Variants in SLC25A42 observed in about 807,000 individuals in gnomAD.
SLC25A42 encodes the protein solute carrier family 25 member 42.
In SLC25A42, 19 loss-of-function variants were observed where a neutral mutation model predicts 34.7. That is an observed-to-expected ratio of 0.55 (90% confidence interval 0.38 to 0.80). SLC25A42 has a LOEUF of 0.80. Ranked by LOEUF, SLC25A42 falls within the 30% of genes least tolerant of loss-of-function variation. SLC25A42 has a pLI of 0.00. For missense variants in SLC25A42, 364 were observed against 441.3 expected (o/e 0.82, Z 1.57); for synonymous variants, 205 against 191.2 (o/e 1.07, Z -0.59).
chr19:19,105,331 T>TG, intron 4 of SLC25A42: 5 of 583,754 alleles, frequency 8.6e-6, no homozygotes, highest in Non-Finnish European at 1.5e-5. Flanking sequence ...GAGAACTTGG[T>TG]GGGGTGGGAG....
chr19:19,112,989 G>C lies in SLC25A42; in HGVS notation c.*2113G>C, dbSNP rs2059874288. 6.7e-6 allele frequency: 1 copy of C among 150,354 alleles called. No homozygotes were observed. The highest frequency in any genetic ancestry group is 1.5e-5 in the Non-Finnish European group (1 of 67,790). The allele number at this position is 150,354 out of a possible 1,614,324, so 9.3% of individuals were successfully genotyped here. On this transcript the variant is annotated 3_prime_UTR_variant, in exon 8 of 8. Coordinates refer to ENST00000318596, the MANE Select transcript of SLC25A42 (RefSeq NM_178526.5). This position sits in a 1 kb window ranked among gnomAD's most constrained non-coding sequence, Gnocchi z 4.3. ...TGCTTTTGACACATTTGTGATAAAA[G>C]TTCTGAATAAAAGTCTTGAATAAAG...
chr19:19,092,107 C>A (rs1265450213), intron 1 of SLC25A42, among the ~76,000 whole-genome samples: 1 of 152,168 alleles, frequency 6.6e-6, no homozygotes, highest in East Asian at 1.9e-4. Flanking sequence ...GTGCTCCAGG[C>A]CTCATCCTCA....
chr19:19,079,237 G>A (rs1415435943), intron 1 of SLC25A42, among the ~76,000 whole-genome samples: 2 of 151,872 alleles, frequency 1.3e-5, no homozygotes, highest in African/African-American at 4.8e-5. Context: ...TGTATTTTTA[G>A]TAGAGACAGG....
chr19:19,073,937 G>T lies in SLC25A42; in HGVS notation c.-35+9822G>T, dbSNP rs1366355857. 1.3e-5 allele frequency among the ~76,000 whole-genome samples: 2 copies of T among 152,086 alleles called. 1 individual carries two copies. The highest frequency in any genetic ancestry group is 6.3e-3 in the Middle Eastern group (2 of 316). Reference sequence around the variant, plus strand: ...TGCCCAGGCTGGTCTTGAACTCGTGGCCTCAAGTGATCTGCCCACCTTGGC... The same window carrying T: ...TGCCCAGGCTGGTCTTGAACTCGTGTCCTCAAGTGATCTGCCCACCTTGGC... On this transcript the variant is annotated intron_variant, in intron 1 of 7. Transcript: ENST00000318596.
At chr19:19,077,345 C>T (rs2059660349) in intron 1 of SLC25A42, among the ~76,000 whole-genome samples, 1 of 152,176 alleles carries the variant, frequency 6.6e-6, no homozygotes, top group African/African-American at 2.4e-5. Flanking sequence ...AAACTGTTCC[C>T]ACTAAACAGT....
At chr19:19,093,758 C>T (rs779608876) in intron 1 of SLC25A42, among the ~76,000 whole-genome samples, 1 of 152,124 alleles carries the variant, frequency 6.6e-6, no homozygotes, top group Non-Finnish European at 1.5e-5. Flanking sequence ...GCTCACTGCA[C>T]CCTCCACCTC....
chr19:19,082,041 C>T (rs1466576384), intron 1 of SLC25A42, among the ~76,000 whole-genome samples: 1 of 152,154 alleles, frequency 6.6e-6, no homozygotes, highest in Non-Finnish European at 1.5e-5. Flanking sequence ...GGTTATTTGA[C>T]GTCAGCCTGA....
chr19:19,105,806 C>T, intron 5 of SLC25A42, 79 bp downstream of exon 5: 1 of 1,242,446 alleles, frequency 8.0e-7, no homozygotes, highest in Admixed American at 2.4e-5. Flanking sequence ...CGCCCCGCTC[C>T]CTCCTCTTCG....
chr19:19,098,886 C>T (rs574766308), intron 2 of SLC25A42, among the ~76,000 whole-genome samples: 11 of 149,512 alleles, frequency 7.4e-5, no homozygotes, highest in African/African-American at 1.5e-4. Context: ...ATTGCGCCAC[C>T]GCACTCCAGC....
chr19:19,087,694 A>C (rs1407742274), intron 1 of SLC25A42, among the ~76,000 whole-genome samples: 3 of 152,240 alleles, frequency 2.0e-5, no homozygotes, highest in Admixed American at 6.5e-5. Context: ...AACTGTAAGG[A>C]AGTGCTGTCT....
chr19:19,105,618 C>G lies in SLC25A42; in HGVS notation c.271C>G (p.Arg91Gly). 1 of 1,613,934 alleles carries G rather than the reference C, an allele frequency of 6.2e-7. No homozygotes were observed. The highest frequency in any genetic ancestry group is 8.5e-7 in the Non-Finnish European group (1 of 1,179,948). Reference sequence around the variant, plus strand: ...CAACGAGGGATTTCTCAGCTTGTGGCGCGGGAACTCGGCCACCATGGTGCG... The same window carrying G: ...CAACGAGGGATTTCTCAGCTTGTGGGGCGGGAACTCGGCCACCATGGTGCG... Reference protein sequence around the residue: ...YLNEGFLSLWRGNSATMVRVV... With the variant: ...YLNEGFLSLWGGNSATMVRVV... The change falls in exon 5 of 8, where the codon CGC becomes GGC. Residue 91 changes from arginine to glycine, a missense_variant. Coordinates refer to ENST00000318596, the MANE Select transcript of SLC25A42 (RefSeq NM_178526.5).
chr19:19,083,602 C>T (rs1331468771), intron 1 of SLC25A42, among the ~76,000 whole-genome samples: 1 of 152,196 alleles, frequency 6.6e-6, no homozygotes, highest in Non-Finnish European at 1.5e-5. Flanking sequence ...ACCTCAAGGG[C>T]GAAGGCCTGA....
At chr19:19,107,762 A>G (rs1352610624) in intron 6 of SLC25A42, 132 bp from the exon 7 acceptor site, 1 of 838,116 alleles carries the variant, frequency 1.2e-6, no homozygotes, top group East Asian at 2.5e-5. Context: ...TATGTCTTGA[A>G]GAAGAAGGAA....
intron 3 of SLC25A42, among the ~76,000 whole-genome samples, chr19:19,102,979 G>A (rs2059806374): frequency 6.6e-6 from 1 of 152,082 alleles, no homozygotes; most frequent in Non-Finnish European, 1.5e-5. Context: ...GCTTCTGGGG[G>A]CTCCTGGTTC....
chr19:19,100,343 G>GA (rs1443694276), intron 2 of SLC25A42, among the ~76,000 whole-genome samples: 1 of 151,570 alleles, frequency 6.6e-6, no homozygotes, highest in Non-Finnish European at 1.5e-5. Flanking sequence ...CTGTGCCTCA[G>GA]AAAAAAAATA....
At chr19:19,106,468 C>A (rs1051948059) in intron 6 of SLC25A42, 83 bp downstream of exon 6, 10 of 1,180,758 alleles carry the variant, frequency 8.5e-6, no homozygotes, top group African/African-American at 4.6e-5. Context: ...CTCTCTCTAT[C>A]GGGCCCCAGG....
intron 1 of SLC25A42, among the ~76,000 whole-genome samples, chr19:19,080,042 G>A (rs1426118250): frequency 2.0e-5 from 3 of 152,154 alleles, no homozygotes; most frequent in Non-Finnish European, 4.4e-5. Flanking sequence ...CCACTTGCTC[G>A]CCTGGCAGGT....
rs953485287 is a variant in SLC25A42 at position 19,097,412 on chromosome 19, C to G, written c.81+1207C>G. On this transcript the variant is annotated intron_variant, in intron 2 of 7. Transcript: ENST00000318596. ...AGGTCCCAACAGAGCTGGAAGAACA[C>G]CTGGATATGGCTGTTGCTCTGCATG... 3.3e-5 allele frequency among the ~76,000 whole-genome samples: 5 copies of G among 152,260 alleles called. 1 individual carries two copies. In the South Asian group the frequency reaches 1.0e-3, roughly 31 times the overall value.
Position 19,101,657 on chromosome 19 carries a change from T to A in SLC25A42, c.82-124T>A, listed in dbSNP as rs955835514. ...CACCCAGAACCAAGCAAGGCCAACATACTCAGGGTGGGGTACATCCCTCGG... is the reference window on the plus strand; with the variant it reads ...CACCCAGAACCAAGCAAGGCCAACAAACTCAGGGTGGGGTACATCCCTCGG... On this transcript the variant is annotated intron_variant, in intron 2 of 7. Coordinates refer to ENST00000318596, the MANE Select transcript of SLC25A42 (RefSeq NM_178526.5). The A allele has an allele frequency of 9.0e-6, 7 of 779,802 alleles. No individual in the cohort carries two copies. In the African/African-American group the frequency reaches 1.1e-4, roughly 12 times the overall value. 48.3% of individuals were successfully genotyped at this position (779,802 alleles called of 1,614,324 possible).
Sources: gnomAD v4.1 joint callset for allele counts (sites outside exome capture counted in the v4.1 genomes callset) on GRCh38, gnomAD v4.1.1 for gene constraint, Gnocchi (gnomAD v3.1) non-coding constraint, MANE v1.5 for transcripts, NCBI Gene and HGNC (gene_info 2026-07-23, HGNC 2026-07-21) for gene names.